The following AGAP1 variants were observed in gnomAD, a reference collection of about 807,000 sequenced individuals.
AGAP1 encodes the protein arf-GAP with GTPase, ANK repeat and PH domain-containing protein 1.
In AGAP1, 29 loss-of-function variants were observed where a neutral mutation model predicts 105.3. That is an observed-to-expected ratio of 0.28 (90% CI 0.21 to 0.38). AGAP1 has a LOEUF of 0.38. AGAP1 is among the 10% of genes least tolerant of loss of function. The pLI is 1.00. For missense variants in AGAP1, 998 were observed against 1,165.1 expected (o/e 0.86, Z 2.09); for synonymous variants, 509 against 485.9 (o/e 1.05, Z -0.63).
At chr2:235,925,806 T>G (rs1330434692) in intron 11 of AGAP1, among the ~76,000 whole-genome samples, 1 of 152,154 alleles carries the variant, frequency 6.6e-6, no homozygotes, top group Non-Finnish European at 1.5e-5. Context: ...TTTAGAACAG[T>G]GTTTGGTGCA....
chr2:235,836,652 CA>C (rs932313884), intron 9 of AGAP1, among the ~76,000 whole-genome samples: 3 of 152,250 alleles, frequency 2.0e-5, no homozygotes, highest in East Asian at 1.9e-4. Context: ...TGTCATGCTT[CA>C]GGGGGCAGGC....
At position 236,120,113 on chromosome 2, in the gene AGAP1, C is replaced by G. The variant is rs111241494; in HGVS notation, c.2115-79C>G. On this transcript the variant is annotated intron_variant, in intron 16 of 17. Transcript: ENST00000304032. This position sits in a 1 kb window ranked among gnomAD's most constrained non-coding sequence, Gnocchi z 6.0. The stretch of plus-strand genomic sequence containing the variant: ...TATTTCACTTCCCTCTCGGCTTCTC[C>G]CGACCACACTGGGCAGGGGCTGGCA... The G allele has an allele frequency of 1.8e-5, 28 of 1,537,128 alleles. No homozygotes were observed. The highest frequency in any genetic ancestry group is 1.8e-4 in the African/African-American group (13 of 72,878).
chr2:235,762,410 G>C (rs1036752786), intron 6 of AGAP1, among the ~76,000 whole-genome samples: 1 of 151,322 alleles, frequency 6.6e-6, no homozygotes, highest in Non-Finnish European at 1.5e-5. Context: ...GCAGATCAGG[G>C]GCATCCCTAA....
intron 6 of AGAP1, among the ~76,000 whole-genome samples, chr2:235,784,216 G>A (rs1326682449): frequency 1.3e-5 from 2 of 152,110 alleles, no homozygotes; most frequent in East Asian, 1.9e-4. Context: ...CTAATTTAAT[G>A]TGATGTGCTT....
In AGAP1 at chr2:235,865,533, AG is replaced by A. The variant is rs1171599821; in HGVS notation, c.1051-17807del. Among the ~76,000 whole-genome samples, 1 of 152,098 alleles carries A rather than the reference AG, an allele frequency of 6.6e-6. No individual in the cohort carries two copies. The highest frequency in any genetic ancestry group is 1.5e-5 in the Non-Finnish European group (1 of 68,002). Reference sequence around the variant, plus strand: ...AGAAATATTACTCGCCGGAAAGGGGAGGGGGTCTTTGGGGAGCTGGTTAAAG... The same window carrying A: ...AGAAATATTACTCGCCGGAAAGGGGAGGGGTCTTTGGGGAGCTGGTTAAAG... On this transcript the variant is annotated intron_variant, in intron 9 of 17. Transcript: ENST00000304032. This position sits in a 1 kb window ranked among gnomAD's most constrained non-coding sequence, Gnocchi z 6.2.
At position 235,660,626 on chromosome 2, in the gene AGAP1, A is replaced by C. The variant is rs1391015427; in HGVS notation, c.164-48553A>C. 6.6e-6 allele frequency among the ~76,000 whole-genome samples: 1 copy of C among 152,140 alleles called. No individual in the cohort carries two copies. Among genetic ancestry groups the C allele is most frequent in the African/African-American group, 2.4e-5 (1 of 41,502 alleles). On this transcript the variant is annotated intron_variant, in intron 1 of 17. Transcript: ENST00000304032. The surrounding 1 kb of genome is among the most constrained non-coding windows in gnomAD (Gnocchi z 5.3). Reference sequence around the variant, plus strand: ...GAGTCCAGCTCCCAGTGATGTGTAGAGTTGAGCTCCATCCTGCTGATCCCA... The same window carrying C: ...GAGTCCAGCTCCCAGTGATGTGTAGCGTTGAGCTCCATCCTGCTGATCCCA...
chr2:236,026,556 T>A (rs529817575), intron 13 of AGAP1, among the ~76,000 whole-genome samples: 67 of 152,122 alleles, frequency 4.4e-4, no homozygotes, highest in Non-Finnish European at 8.8e-5. Context: ...TGGCGAAACC[T>A]CAGCTCTACT....
At position 235,875,231 on chromosome 2, in the gene AGAP1, C is replaced by T. The variant is rs1352132287; in HGVS notation, c.1051-8114C>T. ...TATCTGCCAACCAGAGAGCAACTCC[C>T]GTTGTTTGTTTTCACCTTTTAGAAT... On this transcript the variant is annotated intron_variant, in intron 9 of 17. Coordinates refer to ENST00000304032, the MANE Select transcript of AGAP1 (RefSeq NM_001037131.3). This position sits in a 1 kb window ranked among gnomAD's most constrained non-coding sequence, Gnocchi z 4.0. Among the ~76,000 whole-genome samples the T allele has an allele frequency of 2.0e-5, 3 of 152,200 alleles. No homozygotes were observed. The highest frequency in any genetic ancestry group is 2.1e-4 in the South Asian group (1 of 4,830).
intron 6 of AGAP1, among the ~76,000 whole-genome samples, chr2:235,756,574 T>C (rs1953943083): frequency 6.6e-6 from 1 of 152,128 alleles, no homozygotes; most frequent in Admixed American, 6.5e-5. Flanking sequence ...AAGATGTACG[T>C]GAGTGGTCCA....
At position 236,003,692 on chromosome 2, in the gene AGAP1, ACTTCCACC is replaced by A. The variant is rs1480380797; in HGVS notation, c.1646-32866_1646-32859del. Among the ~76,000 whole-genome samples, 1 of 152,014 alleles carries A rather than the reference ACTTCCACC, an allele frequency of 6.6e-6. No homozygotes were observed. Among genetic ancestry groups the A allele is most frequent in the Non-Finnish European group, 1.5e-5 (1 of 68,024 alleles). On this transcript the variant is annotated intron_variant, in intron 13 of 17. Transcript: ENST00000304032. This position sits in a 1 kb window ranked among gnomAD's most constrained non-coding sequence, Gnocchi z 4.2. ...GTGCTGAGAGGAGAGCCTGGTGGGC[ACTTCCACC>A]CTGATCAAATTCAGTCATTAACCCC...
At chr2:235,629,694 C>T (rs1386881218) in intron 1 of AGAP1, among the ~76,000 whole-genome samples, 2 of 149,674 alleles carry the variant, frequency 1.3e-5, no homozygotes, top group African/African-American at 4.9e-5. Context: ...CATAGTAAGA[C>T]CCTATCTCTA....
In AGAP1 at chr2:235,919,432, C is replaced by T. The variant is rs922915906; in HGVS notation, c.1324+10526C>T. 2.0e-5 allele frequency among the ~76,000 whole-genome samples: 3 copies of T among 152,194 alleles called. No individual in the cohort carries two copies. The highest frequency in any genetic ancestry group is 7.2e-5 in the African/African-American group (3 of 41,442). ...TCTAGGGAGTGGTCAAACCCCGTAA[C>T]ATCCCAACCAGCAAACCTGTAAAAC... is the stretch of plus-strand genomic sequence containing the variant. On this transcript the variant is annotated intron_variant, in intron 11 of 17. Coordinates refer to ENST00000304032, the MANE Select transcript of AGAP1 (RefSeq NM_001037131.3). This position sits in a 1 kb window ranked among gnomAD's most constrained non-coding sequence, Gnocchi z 4.1.
chr2:235,770,103 A>T (rs1470920707), intron 6 of AGAP1, among the ~76,000 whole-genome samples: 1 of 141,426 alleles, frequency 7.1e-6, no homozygotes, highest in Non-Finnish European at 1.6e-5. Flanking sequence ...ACACATATAT[A>T]TACACACACA....
chr2:235,669,660 C>T (rs1470843320), intron 1 of AGAP1: 1 of 145,090 alleles, frequency 6.9e-6, no homozygotes, highest in Non-Finnish European at 1.5e-5. Context: ...CCTTCGGCCG[C>T]AGCCGGTGCA....
rs1015208029 is a variant in AGAP1, at chr2:235,600,273, G to A, written c.163+105424G>A. Among the ~76,000 whole-genome samples the A allele has an allele frequency of 6.6e-6, 1 of 152,196 alleles. No homozygotes were observed. Among genetic ancestry groups the A allele is most frequent in the African/African-American group, 2.4e-5 (1 of 41,440 alleles). ...TACCCCACAGACGATCAGTGTGCCT[G>A]CTTCCAGGGGGCTGCTCCTAAGGGA... On this transcript the variant is annotated intron_variant, in intron 1 of 17. Coordinates refer to ENST00000304032, the MANE Select transcript of AGAP1 (RefSeq NM_001037131.3). This position sits in a 1 kb window ranked among gnomAD's most constrained non-coding sequence, Gnocchi z 4.8.
rs1206565081 is a variant in AGAP1 at position 235,889,098 on chromosome 2, C to T, written c.1155+5649C>T. On this transcript the variant is annotated intron_variant, in intron 10 of 17. Coordinates refer to ENST00000304032, the MANE Select transcript of AGAP1 (RefSeq NM_001037131.3). The surrounding 1 kb of genome is among the most constrained non-coding windows in gnomAD (Gnocchi z 4.6). ...GTGAAAGATCGATCACCTTTGGACA[C>T]GAACTTCAAGTATCAGTCCCAGACA... Among the ~76,000 whole-genome samples the T allele has an allele frequency of 2.6e-5, 4 of 152,322 alleles. No homozygotes were observed. The highest frequency in any genetic ancestry group is 6.5e-5 in the Admixed American group (1 of 15,306).
At chr2:236,047,966 A>G (rs2125705639) in intron 15 of AGAP1, among the ~76,000 whole-genome samples, 1 of 152,248 alleles carries the variant, frequency 6.6e-6, no homozygotes, top group East Asian at 1.9e-4. Context: ...GATGTTAAAT[A>G]AAGGACTGGC....
At chr2:235,954,488 C>G (rs1330377582) in intron 12 of AGAP1, among the ~76,000 whole-genome samples, 2 of 150,662 alleles carry the variant, frequency 1.3e-5, no homozygotes, top group African/African-American at 4.9e-5. Context: ...CGTTCTCTAA[C>G]TTTCTCCTTA....
chr2:235,534,180 G>T (rs533688065), intron 1 of AGAP1, among the ~76,000 whole-genome samples: 6 of 152,320 alleles, frequency 3.9e-5, no homozygotes, highest in African/African-American at 1.2e-4. Flanking sequence ...TGCCGACCCC[G>T]GTGGCTCAGG....
Sources: allele counts gnomAD v4.1 joint callset (sites outside exome capture counted in the v4.1 genomes callset), GRCh38; gene constraint gnomAD v4.1.1; non-coding constraint Gnocchi (gnomAD v3.1); transcripts MANE v1.5; gene names NCBI Gene and HGNC (gene_info 2026-07-23, HGNC 2026-07-21).